ATP11A: variants seen among roughly 807,000 people sequenced by gnomAD.
ATP11A encodes phospholipid-transporting ATPase IH.
ATP11A carries 81 observed loss-of-function variants against 154.4 expected under a neutral mutation model. The observed-to-expected ratio is 0.52, with a 90% CI of 0.44 to 0.63. The LOEUF (loss-of-function observed/expected upper bound fraction) is 0.63. Among genes scored for constraint, ATP11A ranks in the 30% least tolerant of loss-of-function variants. The pLI is 0.00. For missense variants in ATP11A, 1,316 were observed against 1,474.3 expected, an observed-to-expected ratio of 0.89 and a Z score of 1.76; for synonymous variants, 623 against 585.9, an observed-to-expected ratio of 1.06 and a Z score of -0.91.
At position 112,810,874 on chromosome 13, in the gene ATP11A, A is replaced by G. The variant is rs1040982192; in HGVS notation, c.441+148A>G. On this transcript the variant is annotated intron_variant, in intron 5 of 29. Coordinates refer to ENST00000375645, the MANE Select transcript of ATP11A (RefSeq NM_015205.3). ...TCGCTGAGCCTGGAAGTCGGAGGCC[A>G]CTCAGGAGGCTTCACCGTGCCTGTG... The G allele has an allele frequency of 1.0e-5, 7 of 675,340 alleles. No homozygotes were observed. The African/African-American group carries it at 1.3e-4, about 12-fold the overall frequency. The allele number at this position is 675,340 out of a possible 1,614,324, so 41.8% of individuals were successfully genotyped here. A position where few individuals can be genotyped will look rare whatever the true frequency, so the allele number is the denominator to read the frequency against.
chr13:112,766,651 C>T (rs547337929), intron 1 of ATP11A, among the ~76,000 whole-genome samples: 1 of 152,240 alleles, frequency 6.6e-6, no homozygotes, highest in African/African-American at 2.4e-5. Context: ...CCCTCATTGG[C>T]TTCTGCCCAC....
At position 112,826,861 on chromosome 13, in the gene ATP11A, C is replaced by T; in HGVS notation, c.1191C>T (p.Asn397=). The change falls in exon 12 of 30, where the codon AAC becomes AAT. Residue 397 remains asparagine (N), a synonymous_variant. Coordinates refer to ENST00000375645, the MANE Select transcript of ATP11A (RefSeq NM_015205.3). The part of the protein sequence containing the change: ...DEETGEGPLV[N]TSDLNEELGQ... ...AGACTGGCGAGGGGCCTCTGGTGAA[C>T]ACGTCGGACCTCAATGAAGAGCTGG... is the stretch of plus-strand genomic sequence containing the variant. 3 of 1,614,198 alleles carry T rather than the reference C, an allele frequency of 1.9e-6. No individual in the cohort carries two copies. Among genetic ancestry groups the T allele is most frequent in the South Asian group, 1.1e-5 (1 of 91,086 alleles).
At chr13:112,786,553 A>G (rs9577839) in intron 2 of ATP11A, among the ~76,000 whole-genome samples, 20 of 52,482 alleles carry the variant, frequency 3.8e-4, no homozygotes, top group Admixed American at 4.1e-4. Context: ...ACGTGCCTGC[A>G]TTCAGACTCC....
At chr13:112,824,789 A>G (rs1372939421) in intron 10 of ATP11A, among the ~76,000 whole-genome samples, 1 of 152,214 alleles carries the variant, frequency 6.6e-6, no homozygotes, top group Non-Finnish European at 1.5e-5. Flanking sequence ...ATTCTCTGCT[A>G]TGGTTTTACA....
chr13:112,690,399 G>A lies in ATP11A; in HGVS notation c.-18G>A. 7.7e-7 allele frequency: 1 copy of A among 1,295,088 alleles called. No homozygotes were observed. The highest frequency in any genetic ancestry group is 9.8e-7 in the Non-Finnish European group (1 of 1,021,512). The allele number at this position is 1,295,088 out of a possible 1,614,324, so 80.2% of individuals were successfully genotyped here. On this transcript the variant is annotated 5_prime_UTR_variant, in exon 1 of 30. Transcript: ENST00000375645. This position sits in a 1 kb window ranked among gnomAD's most constrained non-coding sequence, Gnocchi z 5.6. ...CGCGGGGGCGCTGAACGGCGGAGCG[G>A]GAGCGGCCGGAGGAGCCATGGACTG...
chr13:112,787,917 G>T (rs936312918), intron 2 of ATP11A, among the ~76,000 whole-genome samples: 6 of 149,664 alleles, frequency 4.0e-5, no homozygotes, highest in Non-Finnish European at 7.4e-5. Context: ...GACCCTTGCG[G>T]AGACCTACTT....
At chr13:112,809,679 A>G (rs1373731858) in intron 4 of ATP11A, among the ~76,000 whole-genome samples, 1 of 152,068 alleles carries the variant, frequency 6.6e-6, no homozygotes, top group East Asian at 1.9e-4. Flanking sequence ...GGACGCCCAT[A>G]GGCCCCTGGT....
chr13:112,862,042 T>C (rs61961579), intron 24 of ATP11A, among the ~76,000 whole-genome samples: 1,616 of 122,938 alleles, frequency 0.013, 14 homozygotes, highest in East Asian at 0.051. Context: ...AGGCGTAAGG[T>C]GTCACAGCAG....
At chr13:112,828,123 G>GGGGGAAAGCT (rs2078983298) in intron 12 of ATP11A, among the ~76,000 whole-genome samples, 1 of 139,188 alleles carries the variant, frequency 7.2e-6, no homozygotes. Context: ...GGGGGGAAGC[G>GGGGGAAAGCT]CCCAGCAGCG....
At chr13:112,878,508 G>A (rs1399871130) in intron 29 of ATP11A, 1 of 608,478 alleles carries the variant, frequency 1.6e-6, no homozygotes, top group East Asian at 2.8e-5. Context: ...ATCAGTCACA[G>A]TTAACCAGGG....
At chr13:112,843,463 A>G (rs1012987467) in intron 17 of ATP11A, among the ~76,000 whole-genome samples, 1 of 152,068 alleles carries the variant, frequency 6.6e-6, no homozygotes, top group African/African-American at 2.4e-5. Context: ...TCTCACACCG[A>G]CCTTATCATC....
rs560072094 is a variant in ATP11A at position 112,749,186 on chromosome 13, A to G, written c.40-35949A>G. 1.7e-4 allele frequency among the ~76,000 whole-genome samples: 26 copies of G among 152,342 alleles called. 1 individual carries two copies. In the South Asian group the frequency reaches 5.2e-3, roughly 30 times the overall value. ...CATGGATGCGCCTCCATCTCCGCACAGTGCAGCCGGTCTAGCTCCCTAAGC... is the reference window on the plus strand; with the variant it reads ...CATGGATGCGCCTCCATCTCCGCACGGTGCAGCCGGTCTAGCTCCCTAAGC... On this transcript the variant is annotated intron_variant, in intron 1 of 29. Coordinates refer to ENST00000375645, the MANE Select transcript of ATP11A (RefSeq NM_015205.3).
intron 1 of ATP11A, among the ~76,000 whole-genome samples, chr13:112,702,345 CAAAAAAAA>C (rs35687422): frequency 2.5e-5 from 3 of 121,764 alleles, no homozygotes; most frequent in African/African-American, 9.5e-5. Context: ...GATTCTGTCT[CAAAAAAAA>C]AAAAAAAAAG....
At chr13:112,720,786 A>C (rs982125406) in intron 1 of ATP11A, among the ~76,000 whole-genome samples, 3 of 152,036 alleles carry the variant, frequency 2.0e-5, no homozygotes, top group Non-Finnish European at 4.4e-5. Context: ...TCGATCTCTT[A>C]ACCTTGTGAT....
intron 1 of ATP11A, among the ~76,000 whole-genome samples, chr13:112,731,154 G>A (rs542754733): frequency 4.0e-5 from 6 of 151,790 alleles, no homozygotes; most frequent in Admixed American, 3.9e-4. Flanking sequence ...AGGCTGGTCT[G>A]GAACTCCTGA....
At chr13:112,822,743 C>CAAAA (rs764140319) in intron 8 of ATP11A, among the ~76,000 whole-genome samples, 10 of 71,096 alleles carry the variant, frequency 1.4e-4, no homozygotes, top group African/African-American at 4.1e-4. Context: ...GACCCTGTTG[C>CAAAA]AAAAAAAAAA....
rs2079992468 is a variant in ATP11A at position 112,858,294 on chromosome 13, G to C, written c.2667+4G>C. ...CGTGCAGTACTTCTTCTATAAGGTA[G>C]GAGGGTCGCCGCTCCCCCTCACGGT... On this transcript the variant is annotated splice_donor_region_variant and intron_variant, in intron 22 of 29. Coordinates refer to ENST00000375645, the MANE Select transcript of ATP11A (RefSeq NM_015205.3). The C allele has an allele frequency of 1.9e-6, 3 of 1,608,012 alleles. No homozygotes were observed. The highest frequency in any genetic ancestry group is 2.6e-6 in the Non-Finnish European group (3 of 1,175,868).
chr13:112,707,825 T>C (rs1049654990), intron 1 of ATP11A, among the ~76,000 whole-genome samples: 3 of 152,150 alleles, frequency 2.0e-5, no homozygotes, highest in Non-Finnish European at 2.9e-5. Flanking sequence ...TCCAAAGCAC[T>C]TCCCAAAGCC....
intron 2 of ATP11A, among the ~76,000 whole-genome samples, chr13:112,792,867 A>G (rs1221841101): frequency 6.6e-6 from 1 of 152,216 alleles, no homozygotes; most frequent in Non-Finnish European, 1.5e-5. Context: ...CTTTGCCCAC[A>G]GGAGGCTACA....
Sources: allele counts gnomAD v4.1 joint callset (sites outside exome capture counted in the v4.1 genomes callset), GRCh38; gene constraint gnomAD v4.1.1; non-coding constraint Gnocchi (gnomAD v3.1); transcripts MANE v1.5; gene names NCBI Gene and HGNC (gene_info 2026-07-23, HGNC 2026-07-21).